The following FMNL3 variants were observed in gnomAD, a reference collection of about 807,000 sequenced individuals.
FMNL3 encodes formin like 3.
A neutral mutation model predicts 119.6 loss-of-function variants in FMNL3; 57 were observed. The observed-to-expected ratio is 0.48, with a 90% confidence interval of 0.39 to 0.59. The LOEUF is 0.59. FMNL3 is among the 20% of genes least tolerant of loss of function. The pLI, the probability that FMNL3 is intolerant of heterozygous loss-of-function variation, is 0.00. For missense variants in FMNL3, 1,053 were observed against 1,323.5 expected, an observed-to-expected ratio of 0.80 and a Z score of 3.17; for synonymous variants, 491 against 507.3, an observed-to-expected ratio of 0.97 and a Z score of 0.43.
intron 1 of FMNL3, among the ~76,000 whole-genome samples, chr12:49,694,277 A>G (rs2139019605): frequency 6.6e-6 from 1 of 152,340 alleles, no homozygotes; most frequent in Non-Finnish European, 1.5e-5. Flanking sequence ...GAGAAAGGAC[A>G]AGAAAAAATT....
At chr12:49,669,607 G>C (rs891837635) in intron 1 of FMNL3, among the ~76,000 whole-genome samples, 2 of 152,124 alleles carry the variant, frequency 1.3e-5, no homozygotes, top group African/African-American at 4.8e-5. Flanking sequence ...CGAGGTGGGC[G>C]GATCACTTGA....
intron 21 of FMNL3, 59 bp from the exon 22 acceptor site, chr12:49,648,412 CCA>C: frequency 6.5e-7 from 1 of 1,548,050 alleles, no homozygotes; most frequent in Non-Finnish European, 8.7e-7. Flanking sequence ...ACCTCCCAGC[CCA>C]GAGCTATATC....
chr12:49,656,754 G>A, intron 8 of FMNL3, 69 bp downstream of exon 8: 1 of 1,438,294 alleles, frequency 7.0e-7, no homozygotes, highest in Non-Finnish European at 9.7e-7. Flanking sequence ...AACTTGTCAG[G>A]AATACATGGA....
At chr12:49,656,943 A>AG (rs1449933489) in intron 7 of FMNL3, 44 bp from the exon 8 acceptor site, 2 of 1,570,094 alleles carry the variant, frequency 1.3e-6, no homozygotes, top group Non-Finnish European at 1.8e-6. Context: ...ATGGTGGGGA[A>AG]GGGGGAGCCC....
intron 22 of FMNL3, 122 bp downstream of exon 22, chr12:49,648,071 C>A: frequency 1.6e-6 from 2 of 1,272,844 alleles, no homozygotes; most frequent in Middle Eastern, 5.7e-4. Context: ...AGCGCTCTCT[C>A]TCCCCTACAT....
chr12:49,707,007 G>A, intron 1 of FMNL3, 48 bp downstream of exon 1: 1 of 1,546,942 alleles, frequency 6.5e-7, no homozygotes, highest in South Asian at 1.2e-5. Flanking sequence ...CCGGGCGTCG[G>A]GACCTGAGGG....
intron 1 of FMNL3, among the ~76,000 whole-genome samples, chr12:49,701,815 T>C (rs915049934): frequency 2.6e-5 from 4 of 151,264 alleles, no homozygotes; most frequent in African/African-American, 9.7e-5. Context: ...TCCCAGCTAT[T>C]TGGGAGGCGA....
chr12:49,675,618 T>C (rs1177221170), intron 1 of FMNL3, among the ~76,000 whole-genome samples: 2 of 152,198 alleles, frequency 1.3e-5, no homozygotes, highest in Non-Finnish European at 2.9e-5. Context: ...ATTCCCACTG[T>C]CATCACCTGG....
chr12:49,654,006 G>A, intron 11 of FMNL3, 132 bp from the exon 12 acceptor site: 1 of 1,350,486 alleles, frequency 7.4e-7, no homozygotes, highest in Non-Finnish European at 1.0e-6. Flanking sequence ...GGCCATGTCA[G>A]ATTCTCGCCC....
rs535284910 is a variant in FMNL3, at chr12:49,669,616, G to C, written c.127-1062C>G. Among the ~76,000 whole-genome samples the C allele has an allele frequency of 6.6e-5, 10 of 152,214 alleles. No homozygotes were observed. The South Asian group carries it at 1.9e-3, about 28-fold the overall frequency. On this transcript the variant is annotated intron_variant, in intron 1 of 25. Transcript: ENST00000335154. ...GGAGGCCGAGGTGGGCGGATCACTT[G>C]AGGCCAGGTGTTCAAGACCAACCTG...
chr12:49,672,210 G>C (rs12303310), intron 1 of FMNL3, among the ~76,000 whole-genome samples: 26,123 of 151,944 alleles, frequency 0.17, 3,237 homozygotes, highest in African/African-American at 0.36. Flanking sequence ...TCTGACTACA[G>C]AGCAATCCAT....
chr12:49,636,975 A>G lies in FMNL3; in HGVS notation c.*8840T>C, dbSNP rs1007789153. 4.9e-5 allele frequency: 68 copies of G among 1,378,134 alleles called. No homozygotes were observed. The highest frequency in any genetic ancestry group is 6.2e-5 in the Non-Finnish European group (62 of 1,007,616). The allele number at this position is 1,378,134 out of a possible 1,614,324, so 85.4% of individuals were successfully genotyped here. A position where few individuals can be genotyped will look rare whatever the true frequency, so the allele number is the denominator to read the frequency against. On this transcript the variant is annotated 3_prime_UTR_variant, in exon 26 of 26. Transcript: ENST00000335154. ...CTGTGCCTAGCCCTGTCCAAGCTCT[A>G]TGAGACCTCTCTCTGCCTGCAGTCT...
rs543181624 is a variant in FMNL3, at chr12:49,642,908, C to T, written c.*2907G>A. On this transcript the variant is annotated 3_prime_UTR_variant, in exon 26 of 26. Transcript: ENST00000335154. This position sits in a 1 kb window ranked among gnomAD's most constrained non-coding sequence, Gnocchi z 5.8. ...GGCTAAGTCTGGTGCTGTCCTCACCCTTCTTCCTCTGCCTCTAGCAGACTG... is the reference window on the plus strand; with the variant it reads ...GGCTAAGTCTGGTGCTGTCCTCACCTTTCTTCCTCTGCCTCTAGCAGACTG... 4.4e-6 allele frequency: 7 copies of T among 1,606,610 alleles called. No individual in the cohort carries two copies. In the South Asian group the frequency reaches 7.8e-5, roughly 18 times the overall value.
At position 49,647,742 on chromosome 12, in the gene FMNL3, T is replaced by C. The variant is rs1467566774; in HGVS notation, c.2739A>G (p.Val913=). ...GESPKTTPPS[V]FFPVFVRFIR... is the part of the protein sequence containing the mutation. Reference sequence around the variant, plus strand: ...TGAATCGGACAAATACTGGGAAGAATACAGAAGGAGGTGTAGTCTTGGGAC... The same window carrying C: ...TGAATCGGACAAATACTGGGAAGAACACAGAAGGAGGTGTAGTCTTGGGAC... The change falls in exon 23 of 26, where the codon GTA becomes GTG. Residue 913 remains valine, a synonymous_variant. Transcript: ENST00000335154. This position sits in a 1 kb window ranked among gnomAD's most constrained non-coding sequence, Gnocchi z 4.9. The C allele has an allele frequency of 3.1e-6, 5 of 1,614,160 alleles. No homozygotes were observed. The highest frequency in any genetic ancestry group is 1.7e-5 in the Admixed American group (1 of 60,024).
rs1942209922 is a variant in FMNL3 at position 49,638,809 on chromosome 12, G to T, written c.*7006C>A. The T allele has an allele frequency of 6.6e-6, 1 of 152,168 alleles. No homozygotes were observed. The highest frequency in any genetic ancestry group is 2.1e-4 in the South Asian group (1 of 4,826). 9.4% of individuals were successfully genotyped at this position (152,168 alleles called of 1,614,324 possible). A position where few individuals can be genotyped will look rare whatever the true frequency, so the allele number is the denominator to read the frequency against. The stretch of plus-strand genomic sequence containing the variant: ...TTTCCTCATCTAAAAAATGGTGAGT[G>T]TTCCACCAGAGTACACCTAATTACA... On this transcript the variant is annotated 3_prime_UTR_variant, in exon 26 of 26. Transcript: ENST00000335154.
chr12:49,697,623 C>A (rs572963257), intron 1 of FMNL3, among the ~76,000 whole-genome samples: 1 of 152,246 alleles, frequency 6.6e-6, no homozygotes, highest in Admixed American at 6.5e-5. Flanking sequence ...TGGGACAATA[C>A]CTCCCTCAGT....
At chr12:49,706,012 C>T (rs999367439) in intron 1 of FMNL3, among the ~76,000 whole-genome samples, 3 of 132,488 alleles carry the variant, frequency 2.3e-5, no homozygotes, top group African/African-American at 1.1e-4. Flanking sequence ...TCGGCCATAC[C>T]AACAATAACG....
intron 9 of FMNL3, among the ~76,000 whole-genome samples, chr12:49,655,197 C>T (rs1238524608): frequency 3.9e-5 from 6 of 152,102 alleles, no homozygotes. Context: ...TTTGGGAGGC[C>T]GAGATGGGCA....
chr12:49,706,998 C>G, intron 1 of FMNL3, 57 bp downstream of exon 1: 1 of 1,538,342 alleles, frequency 6.5e-7, no homozygotes, highest in Non-Finnish European at 8.8e-7. Context: ...AGTCCCAGCC[C>G]GGGCGTCGGG....
Sources: allele counts gnomAD v4.1 joint callset (sites outside exome capture counted in the v4.1 genomes callset), GRCh38; gene constraint gnomAD v4.1.1; non-coding constraint Gnocchi (gnomAD v3.1); transcripts MANE v1.5; gene names NCBI Gene and HGNC (gene_info 2026-07-23, HGNC 2026-07-21).